Variants in E2F3 observed in about 807,000 individuals in gnomAD.
E2F3 encodes E2F transcription factor 3.
In E2F3, 11 loss-of-function variants were observed where a neutral mutation model predicts 44.4. The observed-to-expected ratio is 0.25, with a 90% CI of 0.16 to 0.41. The LOEUF (loss-of-function observed/expected upper bound fraction) is 0.41, where lower values mean the gene tolerates loss of function less well. Ranked by LOEUF, E2F3 falls within the 10% of genes least tolerant of loss-of-function variation. The pLI is 1.00. For missense variants in E2F3, 487 were observed against 583.6 expected, an observed-to-expected ratio of 0.83 and a Z score of 1.70; for synonymous variants, 249 against 253.0, an observed-to-expected ratio of 0.98 and a Z score of 0.15.
Position 20,482,808 on chromosome 6 carries a change from G to C in E2F3, c.772G>C (p.Gly258Arg). The C allele has an allele frequency of 6.2e-7, 1 of 1,613,208 alleles. No individual in the cohort carries two copies. Among genetic ancestry groups the C allele is most frequent in the South Asian group, 1.1e-5 (1 of 91,038 alleles). Residue 258 changes from glycine (G) to arginine (R), a missense_variant, in exon 4 of 7, where the codon GGC becomes CGC. By Grantham distance (125) the Gly-to-Arg change is moderately radical. Around this residue, in one of 3 missense-constraint regions of E2F3, gnomAD observed 220 missense variants for 261.7 expected, o/e 0.84. Coordinates refer to ENST00000346618, the MANE Select transcript of E2F3 (RefSeq NM_001949.5). ...EDGGMLAQCQGLSKEVTELSQ... is the reference protein window; with the variant it reads ...EDGGMLAQCQRLSKEVTELSQ... ...TGGGGGCATGCTGGCCCAGTGTCAA[G>C]GCCTGTCAAAAGAAGTGACCGAGCT... is the stretch of plus-strand genomic sequence containing the variant.
chr6:20,444,354 C>T (rs1044837800), intron 1 of E2F3, among the ~76,000 whole-genome samples: 4 of 152,084 alleles, frequency 2.6e-5, no homozygotes, highest in African/African-American at 4.8e-5. Context: ...ACTCATGATT[C>T]GCAACAAGTT....
intron 1 of E2F3, among the ~76,000 whole-genome samples, chr6:20,474,753 C>T (rs1761993940): frequency 1.3e-5 from 2 of 152,328 alleles, no homozygotes; most frequent in South Asian, 4.1e-4. Context: ...AATAATGCTG[C>T]TCCATCAAAT....
At chr6:20,480,446 G>A (rs1047325151) in intron 2 of E2F3, among the ~76,000 whole-genome samples, 2 of 152,164 alleles carry the variant, frequency 1.3e-5, no homozygotes, top group Non-Finnish European at 2.9e-5. Context: ...AGAGAGAAAC[G>A]TAGGTTAGAA....
At chr6:20,488,663 C>G (rs4134975) in intron 6 of E2F3, among the ~76,000 whole-genome samples, 23,313 of 152,018 alleles carry the variant, frequency 0.15, 1,969 homozygotes, top group Middle Eastern at 0.27. Flanking sequence ...ATTTTCCCCC[C>G]CAATGAGATG....
intron 1 of E2F3, among the ~76,000 whole-genome samples, chr6:20,420,221 A>G (rs1220227933): frequency 2.0e-5 from 3 of 152,212 alleles, no homozygotes; most frequent in Middle Eastern, 6.3e-3. Context: ...GAAATCACTA[A>G]TTTAAACCTT....
intron 6 of E2F3, among the ~76,000 whole-genome samples, chr6:20,489,920 T>C (rs1762507092): frequency 6.6e-6 from 1 of 152,108 alleles, no homozygotes; most frequent in Admixed American, 6.6e-5. Flanking sequence ...CAGTGAGTCA[T>C]GATCACACCA....
intron 1 of E2F3, among the ~76,000 whole-genome samples, chr6:20,438,161 A>G (rs1356701158): frequency 3.3e-5 from 5 of 152,214 alleles, no homozygotes; most frequent in African/African-American, 1.2e-4. Flanking sequence ...AATCCATGAA[A>G]TGGGAATAAT....
At chr6:20,468,070 G>A (rs971881415) in intron 1 of E2F3, among the ~76,000 whole-genome samples, 14 of 152,252 alleles carry the variant, frequency 9.2e-5, no homozygotes, top group African/African-American at 3.4e-4. Flanking sequence ...CACTATTTTC[G>A]CATATTACAG....
intron 1 of E2F3, among the ~76,000 whole-genome samples, chr6:20,466,705 C>T (rs1415350341): frequency 3.5e-5 from 5 of 143,474 alleles, no homozygotes; most frequent in East Asian, 4.1e-4. Flanking sequence ...TTTTTTGAGA[C>T]GGAGTCTGGC....
intron 1 of E2F3, among the ~76,000 whole-genome samples, chr6:20,475,037 A>C (rs969295410): frequency 2.0e-5 from 3 of 152,218 alleles, no homozygotes; most frequent in Non-Finnish European, 4.4e-5. Flanking sequence ...ACCTCCTGGG[A>C]GGAATTCTGG....
rs556160789 is a variant in E2F3, at chr6:20,476,296, G to A, written c.394-3550G>A. On this transcript the variant is annotated intron_variant, in intron 1 of 6. Coordinates refer to ENST00000346618, the MANE Select transcript of E2F3 (RefSeq NM_001949.5). ...TGAGGCAGGAGAATGGCATGAACCCGGGAGGCGGAGCTTGCAATAAGTTGA... is the reference window on the plus strand; with the variant it reads ...TGAGGCAGGAGAATGGCATGAACCCAGGAGGCGGAGCTTGCAATAAGTTGA... Among the ~76,000 whole-genome samples, 45 of 152,224 alleles carry A rather than the reference G, an allele frequency of 3.0e-4. No individual in the cohort carries two copies. In the East Asian group the frequency reaches 6.6e-3, roughly 22 times the overall value.
Position 20,481,243 on chromosome 6 carries a change from G to T in E2F3, c.543G>T (p.Thr181=). The change falls in exon 3 of 7, where the codon ACG becomes ACT. Residue 181 remains threonine, a synonymous_variant. Coordinates refer to ENST00000346618, the MANE Select transcript of E2F3 (RefSeq NM_001949.5). ...KSPSEKTRYD[T]SLGLLTKKFI... ...CCTCAGAAAAAACGCGGTATGATAC[G>T]TCTCTTGGTCTGCTCACCAAGAAGT... The T allele has an allele frequency of 6.2e-7, 1 of 1,613,944 alleles. No individual in the cohort carries two copies. The highest frequency in any genetic ancestry group is 8.5e-7 in the Non-Finnish European group (1 of 1,179,988).
chr6:20,409,630 T>G (rs1021570885), intron 1 of E2F3, among the ~76,000 whole-genome samples: 2 of 152,236 alleles, frequency 1.3e-5, no homozygotes, highest in African/African-American at 4.8e-5. Flanking sequence ...TGTGGTTAGC[T>G]CCAAGATTTC....
At chr6:20,468,015 C>G (rs189224066) in intron 1 of E2F3, among the ~76,000 whole-genome samples, 54 of 152,306 alleles carry the variant, frequency 3.5e-4, no homozygotes, top group South Asian at 6.2e-4. Flanking sequence ...CCGATTCTGA[C>G]ACCAATTCTG....
chr6:20,466,777 G>A lies in E2F3; in HGVS notation c.394-13069G>A, dbSNP rs565122974. ...TGCTCACTGCAATCTCCGCCTGCCG[G>A]GTTCAAGCAGTTCTCTGCCTCAGCC... On this transcript the variant is annotated intron_variant, in intron 1 of 6. Transcript: ENST00000346618. 1.3e-4 allele frequency among the ~76,000 whole-genome samples: 20 copies of A among 151,516 alleles called. No individual in the cohort carries two copies. The South Asian group carries it at 3.8e-3, about 29-fold the overall frequency.
intron 1 of E2F3, among the ~76,000 whole-genome samples, chr6:20,475,942 G>A (rs1334818735): frequency 6.6e-6 from 1 of 152,194 alleles, no homozygotes; most frequent in Non-Finnish European, 1.5e-5. Context: ...CTTCCTGGCG[G>A]TCACAAGAAG....
chr6:20,403,073 T>C (rs1278916063), intron 1 of E2F3, among the ~76,000 whole-genome samples: 1 of 151,948 alleles, frequency 6.6e-6, no homozygotes, highest in Non-Finnish European at 1.5e-5. Flanking sequence ...GTTGGGGTGC[T>C]AGCCCCCAGT....
In E2F3 at chr6:20,402,107, G is replaced by C. The variant is rs1759322072; in HGVS notation, c.-126G>C. On this transcript the variant is annotated 5_prime_UTR_variant, in exon 1 of 7. Transcript: ENST00000346618. This position sits in a 1 kb window ranked among gnomAD's most constrained non-coding sequence, Gnocchi z 5.6. ...AAAATAAAAAGAAAAGAGAGAGAGG[G>C]GGCTCGGAAGCGCCGGGCGGGGAGG... is the stretch of plus-strand genomic sequence containing the variant. The C allele has an allele frequency of 1.4e-6, 2 of 1,399,264 alleles. No individual in the cohort carries two copies. Among genetic ancestry groups the C allele is most frequent in the Non-Finnish European group, 9.3e-7 (1 of 1,077,148 alleles). 86.7% of individuals were successfully genotyped at this position (1,399,264 alleles called of 1,614,324 possible). A position where few individuals can be genotyped will look rare whatever the true frequency, so the allele number is the denominator to read the frequency against.
intron 1 of E2F3, among the ~76,000 whole-genome samples, chr6:20,462,304 A>G (rs1761537246): frequency 6.6e-6 from 1 of 152,106 alleles, no homozygotes; most frequent in African/African-American, 2.4e-5. Context: ...TTTCCGATAC[A>G]CAGTTTATTA....
Sources: allele counts gnomAD v4.1 joint callset (sites outside exome capture counted in the v4.1 genomes callset), GRCh38; gene constraint gnomAD v4.1.1; regional missense constraint gnomAD v4.1.1; non-coding constraint Gnocchi (gnomAD v3.1); transcripts MANE v1.5; gene names NCBI Gene and HGNC (gene_info 2026-07-23, HGNC 2026-07-21).